DCLK1: variants seen among roughly 807,000 people sequenced by gnomAD.
DCLK1 encodes doublecortin like kinase 1, also known as serine/threonine-protein kinase DCLK1.
A neutral mutation model predicts 86.2 loss-of-function variants in DCLK1; 16 were observed. The ratio of observed to expected loss-of-function variants is 0.19; its 90% CI spans 0.13 to 0.28. The LOEUF (loss-of-function observed/expected upper bound fraction) is 0.28. DCLK1 is among the 10% of genes least tolerant of loss of function. DCLK1 has a pLI of 1.00. For missense variants in DCLK1, 590 were observed against 940.2 expected (o/e 0.63, Z 4.87); for synonymous variants, 369 against 370.5 (o/e 1.00, Z 0.05).
intron 3 of DCLK1, among the ~76,000 whole-genome samples, chr13:35,957,856 C>G (rs1210706340): frequency 2.5e-5 from 3 of 118,720 alleles, no homozygotes; most frequent in Non-Finnish European, 1.8e-5. Flanking sequence ...TGATGTTTTT[C>G]AAACAACAAC....
chr13:35,794,952 T>C (rs2086778880), intron 15 of DCLK1, among the ~76,000 whole-genome samples: 1 of 152,170 alleles, frequency 6.6e-6, no homozygotes, highest in Admixed American at 6.5e-5. Flanking sequence ...GGGAGGAAGA[T>C]GTGATCTCTG....
intron 4 of DCLK1, among the ~76,000 whole-genome samples, chr13:35,914,084 G>A (rs564728534): frequency 3.3e-5 from 5 of 151,522 alleles, no homozygotes; most frequent in African/African-American, 7.3e-5. Flanking sequence ...TTGGGAGGCC[G>A]AAACAGGAGG....
intron 4 of DCLK1, among the ~76,000 whole-genome samples, chr13:35,895,937 AT>A (rs11313026): frequency 0.94 from 141,378 of 150,026 alleles, 67,173 homozygotes; most frequent in South Asian, 1. Flanking sequence ...TTTTTTTATG[AT>A]TTTTTTTTTT....
rs142207103 is a variant in DCLK1, at chr13:35,769,952, A to G, written c.*4583T>C. ...ACACATGCCAGTTAGAAACTTGATC[A>G]CAGAAATGATGCTCAGTGTTGAAAC... On this transcript the variant is annotated 3_prime_UTR_variant, in exon 17 of 17. Transcript: ENST00000360631. 6.6e-6 allele frequency: 1 copy of G among 152,334 alleles called. No homozygotes were observed. The highest frequency in any genetic ancestry group is 1.9e-4 in the East Asian group (1 of 5,186). The allele number at this position is 152,334 out of a possible 1,614,324, so 9.4% of individuals were successfully genotyped here.
intron 3 of DCLK1, among the ~76,000 whole-genome samples, chr13:36,007,089 G>C (rs1032496558): frequency 2.0e-5 from 3 of 152,102 alleles, no homozygotes; most frequent in African/African-American, 7.2e-5. Context: ...TGTGCCCAGA[G>C]GCCAGCAAGG....
intron 3 of DCLK1, among the ~76,000 whole-genome samples, chr13:35,991,238 T>C (rs1880204876): frequency 6.6e-6 from 1 of 152,170 alleles, no homozygotes; most frequent in Non-Finnish European, 1.5e-5. Context: ...CCCCACTTAT[T>C]ACCATTAGAT....
At chr13:35,809,127 G>A (rs9545424) in intron 12 of DCLK1, 32 bp from the exon 13 acceptor site, 194,009 of 1,572,050 alleles carry the variant, frequency 0.12, 12,821 homozygotes, top group East Asian at 0.17. Flanking sequence ...GAGTTAGGAG[G>A]GTCAGGCTCG....
intron 3 of DCLK1, among the ~76,000 whole-genome samples, chr13:36,063,832 TC>T (rs1389591947): frequency 6.6e-6 from 1 of 152,178 alleles, no homozygotes; most frequent in African/African-American, 2.4e-5. Flanking sequence ...TATACTCAGT[TC>T]CTAGTACTCA....
intron 3 of DCLK1, among the ~76,000 whole-genome samples, chr13:35,949,676 C>A (rs77171469): frequency 1.3e-5 from 2 of 152,156 alleles, no homozygotes; most frequent in African/African-American, 4.8e-5. Flanking sequence ...GCATATTTCA[C>A]GCCACTTCTA....
chr13:35,935,335 T>C (rs989557656), intron 4 of DCLK1, among the ~76,000 whole-genome samples: 5 of 151,934 alleles, frequency 3.3e-5, no homozygotes, highest in Admixed American at 2.6e-4. Flanking sequence ...GGTTCAAACA[T>C]GGTGTGGAGA....
At chr13:35,973,630 T>C (rs1260551288) in intron 3 of DCLK1, among the ~76,000 whole-genome samples, 2 of 152,118 alleles carry the variant, frequency 1.3e-5, no homozygotes, top group African/African-American at 4.8e-5. Context: ...AATGAATGAA[T>C]AAATGAATGA....
At chr13:35,974,633 A>T (rs1339485539) in intron 3 of DCLK1, among the ~76,000 whole-genome samples, 1 of 152,056 alleles carries the variant, frequency 6.6e-6, no homozygotes, top group African/African-American at 2.4e-5. Flanking sequence ...TGGCCATGTA[A>T]AGTGTACCTG....
At chr13:35,874,537 A>G (rs905414193) in intron 4 of DCLK1, among the ~76,000 whole-genome samples, 4 of 152,178 alleles carry the variant, frequency 2.6e-5, no homozygotes, top group African/African-American at 9.7e-5. Flanking sequence ...GAGCCTGCCC[A>G]GTCTTCCCCA....
chr13:36,064,659 T>TA (rs5802801), intron 3 of DCLK1, among the ~76,000 whole-genome samples: 77,690 of 141,224 alleles, frequency 0.55, 21,815 homozygotes, highest in East Asian at 0.93. Flanking sequence ...CTCCGTCTAT[T>TA]AAAAAAAAAA....
intron 16 of DCLK1, among the ~76,000 whole-genome samples, chr13:35,789,804 T>G (rs1181575949): frequency 6.6e-6 from 1 of 152,180 alleles, no homozygotes; most frequent in Non-Finnish European, 1.5e-5. Flanking sequence ...TCTCAAAAAG[T>G]TCACCGTTAA....
intron 3 of DCLK1, among the ~76,000 whole-genome samples, chr13:36,102,822 C>G (rs571470284): frequency 6.6e-6 from 1 of 152,166 alleles, no homozygotes; most frequent in Non-Finnish European, 1.5e-5. Flanking sequence ...GTTTGCTTCT[C>G]GATCGACTTT....
chr13:35,874,979 C>A (rs187871686), intron 4 of DCLK1, among the ~76,000 whole-genome samples: 82 of 152,312 alleles, frequency 5.4e-4, no homozygotes, highest in Admixed American at 5.0e-3. Context: ...GTGGCCACTA[C>A]GTGCCAAGCA....
At chr13:36,014,196 A>G (rs1196335216) in intron 3 of DCLK1, among the ~76,000 whole-genome samples, 2 of 152,170 alleles carry the variant, frequency 1.3e-5, no homozygotes, top group African/African-American at 4.8e-5. Context: ...GGAGCTGTAG[A>G]CCGGAGCTGT....
chr13:36,049,476 C>G (rs1164964591), intron 3 of DCLK1, among the ~76,000 whole-genome samples: 1 of 152,076 alleles, frequency 6.6e-6, no homozygotes, highest in African/African-American at 2.4e-5. Context: ...ATTCTTTGTC[C>G]ATTTTATTTT....
Sources: allele counts gnomAD v4.1 joint callset (sites outside exome capture counted in the v4.1 genomes callset), GRCh38; gene constraint gnomAD v4.1.1; transcripts MANE v1.5; gene names NCBI Gene and HGNC (gene_info 2026-07-23, HGNC 2026-07-21).